TDRD1: variants seen among roughly 807,000 people sequenced by gnomAD.
TDRD1 encodes the protein tudor domain-containing protein 1.
TDRD1 carries 37 observed loss-of-function variants against 140.6 expected under a neutral mutation model. That is an observed-to-expected ratio of 0.26 (90% confidence interval 0.20 to 0.35). The LOEUF (loss-of-function observed/expected upper bound fraction) is 0.35. TDRD1 is among the 10% of genes least tolerant of loss of function. TDRD1 has a pLI of 1.00. For missense variants in TDRD1, 1,243 were observed against 1,393.0 expected, an observed-to-expected ratio of 0.89 and a Z score of 1.71; for synonymous variants, 506 against 475.7, an observed-to-expected ratio of 1.06 and a Z score of -0.83.
At chr10:114,176,223 C>T (rs1056452021), upstream of TDRD1, among the ~76,000 whole-genome samples, 3 of 149,600 alleles carry the variant, frequency 2.0e-5, no homozygotes, top group Admixed American at 6.7e-5. This position sits in a 1 kb window ranked among gnomAD's most constrained non-coding sequence, Gnocchi z 4.2. Context: ...TGAAATGCTA[C>T]AATAGAGAAG....
At chr10:114,203,623 A>G (rs2034908556) in intron 8 of TDRD1, 56 bp downstream of exon 8, 1 of 1,470,942 alleles carries the variant, frequency 6.8e-7, no homozygotes, top group African/African-American at 1.4e-5. Flanking sequence ...TGGTCGTATG[A>G]ACTGAACACC....
intron 2 of TDRD1, 75 bp downstream of exon 2, chr10:114,188,231 C>T: frequency 7.7e-7 from 1 of 1,302,140 alleles, no homozygotes; most frequent in Non-Finnish European, 1.1e-6. Context: ...TATATAACCA[C>T]ACACCAGTGG....
upstream of TDRD1, among the ~76,000 whole-genome samples, chr10:114,179,074 A>G (rs1227575004): frequency 1.3e-5 from 2 of 152,236 alleles, no homozygotes; most frequent in Non-Finnish European, 2.9e-5. Flanking sequence ...TCGAGGAGAC[A>G]AAGTCTGCAT....
chr10:114,218,771 C>T (rs142790515), intron 18 of TDRD1, among the ~76,000 whole-genome samples, 187 bp downstream of exon 18: 1 of 152,136 alleles, frequency 6.6e-6, no homozygotes, highest in African/African-American at 2.4e-5. Context: ...GAAGCGGCTC[C>T]TTTACTGACC....
At chr10:114,231,430 T>C in intron 25 of TDRD1, 1 of 1,401,046 alleles carries the variant, frequency 7.1e-7, no homozygotes, top group East Asian at 2.3e-5. Flanking sequence ...TTAAAAGCCA[T>C]AGCAATTGAG....
chr10:114,211,919 G>A lies in TDRD1; in HGVS notation c.1714G>A (p.Val572Ile), dbSNP rs373182300. The stretch of plus-strand genomic sequence containing the variant: ...TTTGGCTTACGCTTCTGAAGAATCT[G>A]TACTGGTCGGATATGTAGATTATGG... The change falls in exon 14 of 26, where the codon GTA (valine) becomes ATA (isoleucine). Residue 572 changes from valine (V) to isoleucine (I), a missense_variant. By Grantham distance (29) the Val-to-Ile change is conservative. Transcript: ENST00000251864. 1.9e-5 allele frequency: 31 copies of A among 1,610,460 alleles called. No homozygotes were observed. In the African/African-American group the frequency reaches 3.5e-4, roughly 18 times the overall value.
chr10:114,192,321 T>TTTTTGAA, intron 3 of TDRD1, among the ~76,000 whole-genome samples: 1 of 137,914 alleles, frequency 7.3e-6, no homozygotes, highest in African/African-American at 2.6e-5. Flanking sequence ...TTTTTTTTTT[T>TTTTTGAA]GAGACGGAGT....
chr10:114,221,185 A>G (rs2036122095), intron 19 of TDRD1, among the ~76,000 whole-genome samples, 172 bp from the exon 20 acceptor site: 1 of 152,204 alleles, frequency 6.6e-6, no homozygotes, highest in Admixed American at 6.5e-5. Flanking sequence ...TGCCCACAAA[A>G]TCCCTCAAAT....
chr10:114,202,884 C>T (rs921073015), intron 6 of TDRD1, among the ~76,000 whole-genome samples, 188 bp from the exon 7 acceptor site: 1 of 152,206 alleles, frequency 6.6e-6, no homozygotes, highest in Admixed American at 6.5e-5. Context: ...GGGTTATTCC[C>T]AGTGCTGTGC....
intron 2 of TDRD1, 140 bp downstream of exon 2, chr10:114,188,296 A>C: frequency 2.6e-6 from 2 of 757,644 alleles, no homozygotes; most frequent in Non-Finnish European, 4.0e-6. Flanking sequence ...TTCATTATTA[A>C]TTTAGAAGGA....
chr10:114,217,442 C>A (rs961010228), intron 16 of TDRD1, 103 bp from the exon 17 acceptor site: 7 of 591,432 alleles, frequency 1.2e-5, no homozygotes, highest in Admixed American at 3.6e-5. Context: ...TAGGGAGGTA[C>A]CTGTCTTGAT....
chr10:114,194,664 T>C (rs898666181), intron 3 of TDRD1, among the ~76,000 whole-genome samples: 3 of 151,950 alleles, frequency 2.0e-5, no homozygotes, highest in African/African-American at 7.2e-5. Context: ...TGATTTCTTC[T>C]TTTATCTTTA....
At chr10:114,216,545 C>T (rs2035825754) in intron 16 of TDRD1, among the ~76,000 whole-genome samples, 2 of 152,104 alleles carry the variant, frequency 1.3e-5, no homozygotes, top group Non-Finnish European at 2.9e-5. Context: ...TGTGGATACA[C>T]ACTACTAAGT....
chr10:114,213,877 CAG>C (rs2133087650), intron 15 of TDRD1, 98 bp from the exon 16 acceptor site: 1 of 1,056,970 alleles, frequency 9.5e-7, no homozygotes, highest in African/African-American at 1.6e-5. Context: ...CTTAAAAAGT[CAG>C]TGGAAATTCA....
intron 6 of TDRD1, among the ~76,000 whole-genome samples, chr10:114,202,561 C>A (rs1353661510): frequency 2.0e-5 from 3 of 152,054 alleles, no homozygotes; most frequent in African/African-American, 7.2e-5. Context: ...GCTTTATGTG[C>A]TGTACTCTAA....
At chr10:114,214,974 C>T (rs188680063) in intron 16 of TDRD1, among the ~76,000 whole-genome samples, 23 of 152,218 alleles carry the variant, frequency 1.5e-4, no homozygotes, top group Admixed American at 7.2e-4. Flanking sequence ...ATCTCCTGAC[C>T]TTGTGAATCC....
chr10:114,182,558 TCATAG>T (rs1158378437), intron 1 of TDRD1, among the ~76,000 whole-genome samples: 1 of 152,250 alleles, frequency 6.6e-6, no homozygotes, highest in Non-Finnish European at 1.5e-5. Context: ...TCAGTAAACC[TCATAG>T]CCTGATGTGC....
chr10:114,227,838 A>G (rs1408093225), intron 23 of TDRD1, 72 bp from the exon 24 acceptor site: 10 of 1,207,192 alleles, frequency 8.3e-6, no homozygotes, highest in East Asian at 2.3e-5. Context: ...CTATCTGTAT[A>G]TGTTTACACT....
At position 114,227,845 on chromosome 10, in the gene TDRD1, C is replaced by T. The variant is rs1176844624; in HGVS notation, c.3404-65C>T. The T allele has an allele frequency of 4.5e-6, 6 of 1,334,090 alleles. No homozygotes were observed. The African/African-American group carries it at 7.2e-5, about 16-fold the overall frequency. 82.6% of individuals were successfully genotyped at this position (1,334,090 alleles called of 1,614,324 possible). On this transcript the variant is annotated intron_variant, in intron 23 of 25. Coordinates refer to ENST00000251864, the Ensembl canonical transcript of TDRD1. ...GGGGAGAGCTATCTGTATATGTTTA[C>T]ACTCCCAAGTTTTTCTTCTTTACAT...
Sources: gnomAD v4.1 joint callset for allele counts (sites outside exome capture counted in the v4.1 genomes callset) on GRCh38, gnomAD v4.1.1 for gene constraint, Gnocchi (gnomAD v3.1) non-coding constraint, MANE v1.5 for transcripts, NCBI Gene and HGNC (gene_info 2026-07-23, HGNC 2026-07-21) for gene names.